The following AKAP12 variants were observed in gnomAD, a reference collection of about 807,000 sequenced individuals.
AKAP12 encodes the protein A-kinase anchor protein 12.
In AKAP12, 32 loss-of-function variants were observed where a neutral mutation model predicts 79.9. The ratio of observed to expected loss-of-function variants is 0.40; its 90% CI spans 0.30 to 0.54. The LOEUF (loss-of-function observed/expected upper bound fraction) is 0.54. AKAP12 is among the 20% of genes least tolerant of loss of function. AKAP12 has a pLI of 0.48. For missense variants in AKAP12, 2,074 were observed against 2,177.0 expected (o/e 0.95, Z 0.94); for synonymous variants, 808 against 857.0 (o/e 0.94, Z 1.00).
chr6:151,281,320 T>C (rs1776402738), intron 2 of AKAP12, among the ~76,000 whole-genome samples: 1 of 152,242 alleles, frequency 6.6e-6, no homozygotes, highest in Non-Finnish European at 1.5e-5. Flanking sequence ...TCAGTGATAT[T>C]GGTAGTGTTA....
At chr6:151,244,841 G>T (rs900802707) in intron 2 of AKAP12, among the ~76,000 whole-genome samples, 1 of 152,228 alleles carries the variant, frequency 6.6e-6, no homozygotes, top group Non-Finnish European at 1.5e-5. Flanking sequence ...ATGTGGGGAT[G>T]ATTCTTTTGG....
chr6:151,272,778 C>T (rs576560271), intron 2 of AKAP12, among the ~76,000 whole-genome samples: 18 of 152,268 alleles, frequency 1.2e-4, no homozygotes, highest in South Asian at 4.2e-4. Flanking sequence ...GTGATCCACC[C>T]GCCTTGGCCT....
At position 151,353,220 on chromosome 6, in the gene AKAP12, C is replaced by T. The variant is rs771933804; in HGVS notation, c.4829C>T (p.Pro1610Leu). ...EPQASAQDET[P>L]ITSAKEESES... Reference sequence around the variant, plus strand: ...CAGGCCTCTGCACAGGATGAAACACCAATTACTTCAGCCAAAGAGGAGTCA... The same window carrying T: ...CAGGCCTCTGCACAGGATGAAACACTAATTACTTCAGCCAAAGAGGAGTCA... The change falls in exon 4 of 5, where the codon CCA becomes CTA. Residue 1610 changes from proline (P) to leucine (L), a missense_variant. Around this residue, in one of 3 missense-constraint regions of AKAP12, gnomAD observed 614 missense variants for 665.6 expected, o/e 0.92. Coordinates refer to ENST00000402676, the MANE Select transcript of AKAP12 (RefSeq NM_005100.4). The T allele has an allele frequency of 1.0e-4, 163 of 1,614,016 alleles. No individual in the cohort carries two copies. The highest frequency in any genetic ancestry group is 1.3e-4 in the Non-Finnish European group (152 of 1,180,026).
At chr6:151,337,375 C>T (rs1245939743) in intron 3 of AKAP12, among the ~76,000 whole-genome samples, 3 of 151,594 alleles carry the variant, frequency 2.0e-5, no homozygotes, top group Non-Finnish European at 4.4e-5. Flanking sequence ...ATTAGCCGGG[C>T]GTCGCGGCGG....
intron 2 of AKAP12, among the ~76,000 whole-genome samples, chr6:151,250,072 C>T (rs1281076313): frequency 1.3e-5 from 2 of 152,036 alleles, no homozygotes; most frequent in Non-Finnish European, 2.9e-5. Context: ...TAGTGAGACC[C>T]CACTGCTACA....
chr6:151,259,866 T>G (rs139351707), intron 2 of AKAP12, among the ~76,000 whole-genome samples: 1,638 of 151,704 alleles, frequency 0.011, 27 homozygotes, highest in African/African-American at 0.038. Flanking sequence ...CATGAGCCAC[T>G]GCACCCAGCC....
intron 2 of AKAP12, among the ~76,000 whole-genome samples, chr6:151,273,055 C>T (rs1776221905): frequency 6.6e-6 from 1 of 152,152 alleles, no homozygotes; most frequent in South Asian, 2.1e-4. Context: ...CTATAGGCGC[C>T]TGCCACCACA....
rs78471637 is a variant in AKAP12, at chr6:151,242,652, A to G, written c.162+1928A>G. On this transcript the variant is annotated intron_variant, in intron 2 of 4. Transcript: ENST00000402676. ...GGCCCTTGCCTCCCCTCTTCTTGTT[A>G]AGCTCCAATTCCTGACCTCCAAGTA... 4.4e-3 allele frequency among the ~76,000 whole-genome samples: 674 copies of G among 152,300 alleles called. 9 individuals are homozygous for G. Among genetic ancestry groups the G allele is most frequent in the East Asian group, 0.033 (173 of 5,190 alleles).
intron 2 of AKAP12, among the ~76,000 whole-genome samples, chr6:151,288,467 G>A (rs1304496132): frequency 2.6e-5 from 4 of 152,166 alleles, no homozygotes; most frequent in South Asian, 2.1e-4. Flanking sequence ...AGCTGAGATC[G>A]CGCCGCTGTA....
At chr6:151,290,604 G>C (rs1318723117) in intron 2 of AKAP12, among the ~76,000 whole-genome samples, 1 of 149,968 alleles carries the variant, frequency 6.7e-6, no homozygotes, top group African/African-American at 2.4e-5. Flanking sequence ...GCCTTCACCA[G>C]ATTCTTTTTT....
chr6:151,259,398 G>A (rs1797365094), intron 2 of AKAP12, among the ~76,000 whole-genome samples: 1 of 147,642 alleles, frequency 6.8e-6, no homozygotes, highest in Non-Finnish European at 1.5e-5. Context: ...TTAAAAAATA[G>A]CATATATATT....
chr6:151,287,230 C>T (rs559685498), intron 2 of AKAP12, among the ~76,000 whole-genome samples: 3 of 152,036 alleles, frequency 2.0e-5, no homozygotes, highest in African/African-American at 7.2e-5. Context: ...TGAACCACCA[C>T]GCCCGGTCTA....
chr6:151,259,233 A>G (rs1797361602), intron 2 of AKAP12, among the ~76,000 whole-genome samples: 1 of 151,132 alleles, frequency 6.6e-6, no homozygotes, highest in African/African-American at 2.4e-5. Context: ...TTTAGTAGAG[A>G]TGGGGTTTCA....
intron 2 of AKAP12, among the ~76,000 whole-genome samples, chr6:151,249,902 A>C (rs553261152): frequency 1.3e-5 from 2 of 152,314 alleles, no homozygotes; most frequent in South Asian, 4.1e-4. Flanking sequence ...TTTCATGGCT[A>C]TGGTGAGTTC....
At chr6:151,291,668 A>G (rs566613375) in intron 2 of AKAP12, among the ~76,000 whole-genome samples, 1 of 152,144 alleles carries the variant, frequency 6.6e-6, no homozygotes, top group Non-Finnish European at 1.5e-5. Context: ...TATCATTTTA[A>G]TTTTGCTATT....
intron 3 of AKAP12, among the ~76,000 whole-genome samples, chr6:151,318,987 T>A (rs1777299059): frequency 6.6e-6 from 1 of 152,206 alleles, no homozygotes; most frequent in Non-Finnish European, 1.5e-5. Flanking sequence ...GAAATTTTTT[T>A]ACATATATCT....
At chr6:151,320,383 G>A (rs780503074) in intron 3 of AKAP12, among the ~76,000 whole-genome samples, 2 of 151,926 alleles carry the variant, frequency 1.3e-5, no homozygotes, top group Non-Finnish European at 2.9e-5. Context: ...GCCTCCCCAA[G>A]TGCTGGGATT....
In AKAP12 at chr6:151,352,740, A is replaced by C; in HGVS notation, c.4349A>C (p.His1450Pro). ...GAAACGTTGGAGCCTGCAGGTGCAC[A>C]TTTAGTTCTGGAAGAGAAATCCTCT... The part of the protein sequence containing the change: ...TGETLEPAGA[H>P]LVLEEKSSEK... Residue 1450 changes from histidine (H) to proline (P), a missense_variant, in exon 4 of 5, where the codon CAT becomes CCT. His to Pro is a moderately conservative substitution (Grantham distance 77). Coordinates refer to ENST00000402676, the MANE Select transcript of AKAP12 (RefSeq NM_005100.4). The C allele has an allele frequency of 6.2e-7, 1 of 1,614,198 alleles. No individual in the cohort carries two copies. Among genetic ancestry groups the C allele is most frequent in the Non-Finnish European group, 8.5e-7 (1 of 1,180,028 alleles).
intron 2 of AKAP12, among the ~76,000 whole-genome samples, chr6:151,302,547 G>A (rs1470355853): frequency 6.6e-6 from 1 of 151,812 alleles, no homozygotes; most frequent in African/African-American, 2.4e-5. Flanking sequence ...TCCAACTAAA[G>A]ATACCTTGGA....
Sources: gnomAD v4.1 joint callset for allele counts (sites outside exome capture counted in the v4.1 genomes callset) on GRCh38, gnomAD v4.1.1 for gene constraint, gnomAD v4.1.1 regional missense constraint, MANE v1.5 for transcripts, NCBI Gene and HGNC (gene_info 2026-07-23, HGNC 2026-07-21) for gene names.